Variants in DLG5 observed in about 807,000 individuals in gnomAD.
The protein encoded by DLG5 is discs large MAGUK scaffold protein 5.
In DLG5, 48 loss-of-function variants were observed where a neutral mutation model predicts 189.8. That is an observed-to-expected ratio of 0.25 (90% confidence interval 0.20 to 0.32). DLG5 has a LOEUF of 0.32. DLG5 is among the 10% of genes least tolerant of loss of function. The probability of loss-of-function intolerance (pLI) is 1.00; values close to 1 mark genes in which losing one functional copy is unlikely to be tolerated. For synonymous variants in DLG5, 1,016 were observed against 1,054.1 expected (o/e 0.96, Z 0.70); for missense variants, 2,160 against 2,544.7 (o/e 0.85, Z 3.25).
At chr10:77,797,530 G>C (rs1012173959) in intron 27 of DLG5, among the ~76,000 whole-genome samples, 2 of 152,218 alleles carry the variant, frequency 1.3e-5, no homozygotes, top group African/African-American at 4.8e-5. Flanking sequence ...TAGACACTGT[G>C]GCTGGATGAC....
At chr10:77,806,718 A>AGGGCCCCCCCCCCC in intron 26 of DLG5, 40 bp downstream of exon 26, 18 of 1,333,638 alleles carry the variant, frequency 1.3e-5, no homozygotes, top group East Asian at 2.3e-5. Flanking sequence ...GCCCTCGGCG[A>AGGGCCCCCCCCCCC]CCCCTGCCCC....
chr10:77,924,652 C>T (rs1375521515), intron 1 of DLG5, among the ~76,000 whole-genome samples: 1 of 152,216 alleles, frequency 6.6e-6, no homozygotes, highest in Admixed American at 6.5e-5. Context: ...CCACATCTGA[C>T]AGTCCCTTCC....
chr10:77,916,585 C>T (rs868790941), intron 1 of DLG5, among the ~76,000 whole-genome samples: 2 of 152,092 alleles, frequency 1.3e-5, no homozygotes, highest in Non-Finnish European at 2.9e-5. Context: ...AGCCACCACG[C>T]CCGGCCAAAA....
At chr10:77,876,099 T>A (rs1177065366) in intron 1 of DLG5, among the ~76,000 whole-genome samples, 1 of 152,132 alleles carries the variant, frequency 6.6e-6, no homozygotes, top group Non-Finnish European at 1.5e-5. Context: ...AGATTTAATA[T>A]TTGTTTTCCT....
chr10:77,935,146 G>T, the DLG5 span, among the ~76,000 whole-genome samples: 3 of 151,932 alleles, frequency 2.0e-5, no homozygotes, highest in African/African-American at 7.3e-5. Context: ...AGGAGCCACC[G>T]TGCCCAGCCT....
At chr10:77,865,218 A>C (rs900751217) in intron 2 of DLG5, among the ~76,000 whole-genome samples, 3 of 152,168 alleles carry the variant, frequency 2.0e-5, no homozygotes, top group African/African-American at 7.2e-5. Flanking sequence ...GATCCCTATG[A>C]GTACCAAACA....
At chr10:77,855,967 T>A (rs1246010074) in intron 3 of DLG5, among the ~76,000 whole-genome samples, 4 of 152,266 alleles carry the variant, frequency 2.6e-5, no homozygotes, top group Non-Finnish European at 5.9e-5. Context: ...CCTTCCCTGG[T>A]ATCTACCTCT....
In DLG5 at chr10:77,819,310, C is replaced by G. The variant is rs1304545639; in HGVS notation, c.3671+11G>C. 8.1e-6 allele frequency: 13 copies of G among 1,613,732 alleles called. No individual in the cohort carries two copies. Among genetic ancestry groups the G allele is most frequent in the Non-Finnish European group, 1.1e-5 (13 of 1,179,964 alleles). ...CTGGAGTACAGAGAAGCGTAGGGTG[C>G]CTTCACATACCTGGGATGCAAACCC... On this transcript the variant is annotated intron_variant, in intron 17 of 31. Transcript: ENST00000372391.
chr10:77,824,412 T>C lies in DLG5; in HGVS notation c.2354A>G (p.Gln785Arg), dbSNP rs990304759. 6.2e-7 allele frequency: 1 copy of C among 1,614,002 alleles called. No homozygotes were observed. Among genetic ancestry groups the C allele is most frequent in the Non-Finnish European group, 8.5e-7 (1 of 1,179,912 alleles). Residue 785 changes from glutamine (Q) to arginine (R), a missense_variant, in exon 14 of 32, where the codon CAG becomes CGG. Physicochemically the swap from Gln to Arg is conservative, Grantham distance 43. Transcript: ENST00000372391. ...NECESLLRSC[Q>R]DSLTLSLLKV... ...CAGGAGGGACAGGGTCAGGGAGTCC[T>C]GGCAGCTGCGCAGCAGAGATTCACA... is the stretch of plus-strand genomic sequence containing the variant.
intron 9 of DLG5, among the ~76,000 whole-genome samples, chr10:77,832,836 G>A (rs192276833): frequency 6.4e-4 from 97 of 152,276 alleles, no homozygotes; most frequent in Middle Eastern, 3.4e-3. Flanking sequence ...GACCCAAGAT[G>A]GTTCCTGTGA....
chr10:77,923,495 C>T (rs750075584), intron 1 of DLG5, among the ~76,000 whole-genome samples: 1 of 152,218 alleles, frequency 6.6e-6, no homozygotes, highest in Non-Finnish European at 1.5e-5. Flanking sequence ...CAGTGGCTCA[C>T]GCCTGTAATC....
rs200704085 is a variant in DLG5 at position 77,811,083 on chromosome 10, C to G, written c.4463+11G>C. 4 of 1,609,662 alleles carry G rather than the reference C, an allele frequency of 2.5e-6. No homozygotes were observed. In the African/African-American group the frequency reaches 5.3e-5, roughly 22 times the overall value. The stretch of plus-strand genomic sequence containing the variant: ...CGGACACAGGGAAGGCTCACAGCAA[C>G]GTCTGCTGACCTGGAGCTGCTCTGC... On this transcript the variant is annotated intron_variant, in intron 23 of 31. Transcript: ENST00000372391.
intron 1 of DLG5, among the ~76,000 whole-genome samples, chr10:77,891,150 C>G (rs958996784): frequency 5.9e-5 from 9 of 152,172 alleles, no homozygotes; most frequent in African/African-American, 2.2e-4. Flanking sequence ...TCTCCCTATG[C>G]ATGCCTCCCT....
chr10:77,841,839 T>C, intron 7 of DLG5, 42 bp downstream of exon 7: 2 of 1,581,052 alleles, frequency 1.3e-6, no homozygotes, highest in Admixed American at 1.7e-5. Flanking sequence ...CCCGGGATGC[T>C]GTAGGAGAGG....
At chr10:77,918,023 A>AAAAAAAC (rs1254369820) in intron 1 of DLG5, among the ~76,000 whole-genome samples, 1 of 151,842 alleles carries the variant, frequency 6.6e-6, no homozygotes, top group Non-Finnish European at 1.5e-5. Flanking sequence ...TGTCTCAAAA[A>AAAAAAAC]AAAAAACAAA....
chr10:77,907,896 G>C (rs747178301), intron 1 of DLG5, among the ~76,000 whole-genome samples: 17 of 152,214 alleles, frequency 1.1e-4, no homozygotes, highest in Non-Finnish European at 2.4e-4. Context: ...ACCCCTAAAA[G>C]GTTGCTGGTG....
chr10:77,926,610 C>A lies in DLG5; in HGVS notation c.-90G>T. The A allele has an allele frequency of 9.5e-7, 1 of 1,056,486 alleles. No homozygotes were observed. The highest frequency in any genetic ancestry group is 4.6e-5 in the South Asian group (1 of 21,844). The allele number at this position is 1,056,486 out of a possible 1,614,324, so 65.4% of individuals were successfully genotyped here. Reference sequence around the variant, plus strand: ...GCAGGCGAGCACCTCGGCAGCAGCCCTAGGGCGCCGGGAGCCGTGAGGCGG... The same window carrying A: ...GCAGGCGAGCACCTCGGCAGCAGCCATAGGGCGCCGGGAGCCGTGAGGCGG... On this transcript the variant is annotated 5_prime_UTR_variant, in exon 1 of 32. It adds an upstream start codon to the 5' untranslated region. Transcript: ENST00000372391. The surrounding 1 kb of genome is among the most constrained non-coding windows in gnomAD (Gnocchi z 5.2).
At chr10:77,939,626 C>A in the DLG5 span, among the ~76,000 whole-genome samples, 1 of 152,326 alleles carries the variant, frequency 6.6e-6, no homozygotes, top group African/African-American at 2.4e-5. Context: ...TAAAACAACT[C>A]CCCACAGGTG....
intron 1 of DLG5, among the ~76,000 whole-genome samples, chr10:77,897,272 C>T (rs1322720317): frequency 6.6e-6 from 1 of 152,078 alleles, no homozygotes; most frequent in Non-Finnish European, 1.5e-5. Flanking sequence ...GGGAGAATAG[C>T]TTGAACCTGG....
Sources: allele counts gnomAD v4.1 joint callset (sites outside exome capture counted in the v4.1 genomes callset), GRCh38; gene constraint gnomAD v4.1.1; non-coding constraint Gnocchi (gnomAD v3.1); transcripts MANE v1.5; gene names NCBI Gene and HGNC (gene_info 2026-07-23, HGNC 2026-07-21).